Variants in EFCAB8 observed in about 807,000 individuals in gnomAD.
The protein encoded by EFCAB8 is EF-hand calcium binding domain 8, also known as EF-hand calcium-binding domain-containing protein 8.
A neutral mutation model predicts 116.3 loss-of-function variants in EFCAB8; 100 were observed. The ratio of observed to expected loss-of-function variants is 0.86; its 90% CI spans 0.73 to 1.02. The LOEUF (loss-of-function observed/expected upper bound fraction) is 1.02. Ranked by LOEUF, EFCAB8 falls within the 50% of genes least tolerant of loss-of-function variation. The probability of loss-of-function intolerance (pLI) is 0.00; values close to 1 mark genes in which losing one functional copy is unlikely to be tolerated. For missense variants in EFCAB8, 1,320 were observed against 1,416.9 expected (o/e 0.93, Z 1.10); for synonymous variants, 558 against 567.9 (o/e 0.98, Z 0.25).
In EFCAB8 at chr20:32,904,476, T is replaced by C. The variant is rs1986580407; in HGVS notation, c.1089-2086T>C. 2.7e-5 allele frequency among the ~76,000 whole-genome samples: 4 copies of C among 149,578 alleles called. 1 individual carries two copies. In the South Asian group the frequency reaches 8.5e-4, roughly 32 times the overall value. On this transcript the variant is annotated intron_variant, in intron 11 of 26. Coordinates refer to ENST00000400522, the MANE Select transcript of EFCAB8 (RefSeq NM_001143967.2). ...ATCACGCCCAGCTAATTTTTGTTTTTTTTGTACAGATGGGATCTTGCTGTG... is the reference window on the plus strand; with the variant it reads ...ATCACGCCCAGCTAATTTTTGTTTTCTTTGTACAGATGGGATCTTGCTGTG...
At chr20:32,867,835 A>C (rs773254767) in intron 3 of EFCAB8, 88 bp downstream of exon 3, 168 of 1,406,776 alleles carry the variant, frequency 1.2e-4, no homozygotes, top group Non-Finnish European at 1.6e-4. Context: ...GTTCAGACAT[A>C]ATAAGCATTT....
At chr20:32,891,732 C>T (rs553578428) in intron 7 of EFCAB8, among the ~76,000 whole-genome samples, 11 of 152,082 alleles carry the variant, frequency 7.2e-5, no homozygotes, top group South Asian at 4.1e-4. Flanking sequence ...CAGAGGAGGG[C>T]GAGAGGCTGC....
chr20:32,899,005 G>A (rs1318177043), intron 11 of EFCAB8, among the ~76,000 whole-genome samples: 1 of 152,192 alleles, frequency 6.6e-6, no homozygotes, highest in Non-Finnish European at 1.5e-5. Flanking sequence ...GTAACTGGCA[G>A]CATTGGTTCT....
chr20:32,915,838 A>AT (rs1208817971), intron 17 of EFCAB8, among the ~76,000 whole-genome samples: 1 of 151,756 alleles, frequency 6.6e-6, no homozygotes, highest in African/African-American at 2.4e-5. Context: ...CACCTGGCTA[A>AT]TTTTTTGTAT....
At chr20:32,915,993 C>T (rs1423375780) in intron 17 of EFCAB8, among the ~76,000 whole-genome samples, 2 of 151,984 alleles carry the variant, frequency 1.3e-5, no homozygotes, top group Non-Finnish European at 2.9e-5. Context: ...GTTCTAAAGC[C>T]ACTTCCCACA....
Position 32,906,901 on chromosome 20 carries a change from C to T in EFCAB8, c.1215C>T (p.Pro405=), listed in dbSNP as rs763940183. The T allele has an allele frequency of 5.6e-5, 87 of 1,551,134 alleles. No homozygotes were observed. Among genetic ancestry groups the T allele is most frequent in the South Asian group, 2.3e-4 (19 of 84,032 alleles). ...GGAACCCCTTTGTCTCAAAGAGGCC[C>T]GTGTGGCTGATGAAGGGACACCAGA... is the stretch of plus-strand genomic sequence containing the variant. ...RLWNPFVSKR[P]VWLMKGHQTS... is the part of the protein sequence containing the mutation. The change falls in exon 13 of 27, where the codon CCC becomes CCT. Residue 405 remains proline (P), a synonymous_variant. Coordinates refer to ENST00000400522, the MANE Select transcript of EFCAB8 (RefSeq NM_001143967.2).
In EFCAB8 at chr20:32,961,759, C is replaced by T. The variant is rs987161778; in HGVS notation, c.*150C>T. On this transcript the variant is annotated 3_prime_UTR_variant, in exon 27 of 27. Transcript: ENST00000400522. The stretch of plus-strand genomic sequence containing the variant: ...CCTCTCTGGGGAAGTTCACCTGTCT[C>T]CTAATCTTGTCTTCTCTCTGGCCCC... 1.8e-4 allele frequency: 81 copies of T among 454,336 alleles called. No homozygotes were observed. In the Admixed American group the frequency reaches 2.4e-3, roughly 13 times the overall value. 28.1% of individuals were successfully genotyped at this position (454,336 alleles called of 1,614,324 possible).
Position 32,917,354 on chromosome 20 carries a change from CG to C in EFCAB8, c.1912del (p.Glu638ArgfsTer4), listed in dbSNP as rs1987237260. 3 of 1,551,796 alleles carry C rather than the reference CG, an allele frequency of 1.9e-6. No homozygotes were observed. In the African/African-American group the frequency reaches 4.1e-5, roughly 21 times the overall value. ...LLCYHWQTYHTEDILSMAKYR... is the reference protein window; with the variant it reads ...LLCYHWQTYHXEDILSMAKYR... ...TGCTACCACTGGCAGACCTACCACA[CG>C]GAGGACATCCTGAGCATGGCCAAGT... On this transcript the variant is annotated frameshift_variant, in exon 18 of 27. Transcript: ENST00000400522. LOFTEE classifies it high-confidence loss of function.
chr20:32,929,459 T>TCCTTCCCCTC (rs1987801818), intron 20 of EFCAB8, among the ~76,000 whole-genome samples: 1 of 139,498 alleles, frequency 7.2e-6, no homozygotes, highest in Non-Finnish European at 1.5e-5. Flanking sequence ...TTTTCTCCCT[T>TCCTTCCCCTC]CCCTCCCCTC....
At chr20:32,908,210 G>A in intron 13 of EFCAB8, 65 bp from the exon 14 acceptor site, 1 of 1,245,570 alleles carries the variant, frequency 8.0e-7, no homozygotes, top group Middle Eastern at 2.1e-4. Context: ...CACCCCCGAG[G>A]CTTCAGGAGC....
intron 2 of EFCAB8, among the ~76,000 whole-genome samples, chr20:32,865,968 A>G (rs1263277635): frequency 6.6e-6 from 1 of 151,962 alleles, no homozygotes; most frequent in African/African-American, 2.4e-5. Flanking sequence ...TATGTAGGAG[A>G]TGGATCCCAG....
chr20:32,943,535 G>A (rs1421055683), intron 22 of EFCAB8, 101 bp from the exon 23 acceptor site: 2 of 415,770 alleles, frequency 4.8e-6, no homozygotes, highest in Non-Finnish European at 8.8e-6. Context: ...GTGTCCCAGG[G>A]CCCTTCCAAC....
chr20:32,858,959 G>T lies in EFCAB8; in HGVS notation c.-58G>T. The stretch of plus-strand genomic sequence containing the variant: ...GGGAGTTGGAAAGTGTTAGCACTTT[G>T]CCAGACTTTGCCAGCAAGATTAACT... On this transcript the variant is annotated 5_prime_UTR_variant, in exon 1 of 27. Coordinates refer to ENST00000400522, the MANE Select transcript of EFCAB8 (RefSeq NM_001143967.2). 1 of 471,042 alleles carries T rather than the reference G, an allele frequency of 2.1e-6. No homozygotes were observed. 29.2% of individuals were successfully genotyped at this position (471,042 alleles called of 1,614,324 possible). A position where few individuals can be genotyped will look rare whatever the true frequency, so the allele number is the denominator to read the frequency against.
At chr20:32,941,227 G>C (rs1988399814) in intron 22 of EFCAB8, among the ~76,000 whole-genome samples, 1 of 147,940 alleles carries the variant, frequency 6.8e-6, no homozygotes, top group African/African-American at 2.5e-5. Context: ...GTTCCAGTCT[G>C]GGCAACAAGA....
At chr20:32,912,430 C>CAAAA (rs762528188) in intron 16 of EFCAB8, among the ~76,000 whole-genome samples, 78 of 81,624 alleles carry the variant, frequency 9.6e-4, no homozygotes, top group African/African-American at 4.5e-3. Flanking sequence ...GAAACTCTGT[C>CAAAA]AAAAAAAAAA....
chr20:32,887,664 C>A (rs574637303), intron 6 of EFCAB8, among the ~76,000 whole-genome samples: 1 of 152,368 alleles, frequency 6.6e-6, no homozygotes, highest in African/African-American at 2.4e-5. Flanking sequence ...GTGGGCTGGC[C>A]TCCCTCTTCC....
At chr20:32,862,662 T>G (rs1403382291) in intron 1 of EFCAB8, among the ~76,000 whole-genome samples, 1 of 151,864 alleles carries the variant, frequency 6.6e-6, no homozygotes, top group Non-Finnish European at 1.5e-5. Context: ...AGTCTTGCTC[T>G]TGTTGCCCAG....
intron 22 of EFCAB8, among the ~76,000 whole-genome samples, chr20:32,942,860 C>T (rs928802653): frequency 6.6e-6 from 1 of 152,048 alleles, no homozygotes; most frequent in African/African-American, 2.4e-5. Context: ...ATCAGGTATC[C>T]TACTACTGTT....
chr20:32,880,193 G>T (rs1472999552), intron 5 of EFCAB8, among the ~76,000 whole-genome samples: 4 of 152,160 alleles, frequency 2.6e-5, no homozygotes, highest in Non-Finnish European at 5.9e-5. Flanking sequence ...AAGTCAAAGA[G>T]CTGGAAGGCA....
Sources: allele counts gnomAD v4.1 joint callset (sites outside exome capture counted in the v4.1 genomes callset), GRCh38; gene constraint gnomAD v4.1.1; transcripts MANE v1.5; gene names NCBI Gene and HGNC (gene_info 2026-07-23, HGNC 2026-07-21).